Variants in WSCD2 observed in about 807,000 individuals in gnomAD.
The protein encoded by WSCD2 is WSC domain sialate O sulfotransferase 2.
Under a neutral mutation model 55.7 loss-of-function variants are expected in WSCD2, and 28 were observed. The ratio of observed to expected loss-of-function variants is 0.50; its 90% CI spans 0.37 to 0.69. The LOEUF (loss-of-function observed/expected upper bound fraction) is 0.69, where lower values mean the gene tolerates loss of function less well. WSCD2 is among the 30% of genes least tolerant of loss of function. The pLI is 0.00. For missense variants in WSCD2, 616 were observed against 762.1 expected, an observed-to-expected ratio of 0.81 and a Z score of 2.26; for synonymous variants, 301 against 301.9, an observed-to-expected ratio of 1.00 and a Z score of 0.03.
chr12:108,220,212 C>G (rs1177001140), intron 4 of WSCD2, among the ~76,000 whole-genome samples: 1 of 152,192 alleles, frequency 6.6e-6, no homozygotes, highest in African/African-American at 2.4e-5. Context: ...CACCTGTTTT[C>G]TCTTCTTTAT....
At chr12:108,207,239 A>C (rs979723457) in intron 3 of WSCD2, among the ~76,000 whole-genome samples, 3 of 152,110 alleles carry the variant, frequency 2.0e-5, no homozygotes, top group Non-Finnish European at 4.4e-5. Context: ...AAGAGGCTCT[A>C]ATATGCTCAC....
chr12:108,217,755 C>T (rs1439512405), intron 4 of WSCD2, among the ~76,000 whole-genome samples: 1 of 152,204 alleles, frequency 6.6e-6, no homozygotes, highest in Non-Finnish European at 1.5e-5. Flanking sequence ...CCCCAGAACA[C>T]ATCTTGCCCA....
At chr12:108,135,153 C>CATCT (rs1876048774) in intron 1 of WSCD2, among the ~76,000 whole-genome samples, 1 of 151,962 alleles carries the variant, frequency 6.6e-6, no homozygotes, top group African/African-American at 2.4e-5. Context: ...TCCGTCCATC[C>CATCT]ATCCATCCAT....
At chr12:108,203,062 C>G (rs1408803348) in intron 2 of WSCD2, among the ~76,000 whole-genome samples, 1 of 152,232 alleles carries the variant, frequency 6.6e-6, no homozygotes, top group Non-Finnish European at 1.5e-5. Context: ...TTTGAATAGA[C>G]AGACCTGGAC....
chr12:108,164,161 T>TTTTTTTTTTTTTTTTTTTTG (rs1555224811), intron 1 of WSCD2, among the ~76,000 whole-genome samples: 7 of 146,084 alleles, frequency 4.8e-5, no homozygotes, highest in South Asian at 2.2e-4. Flanking sequence ...TTTTTTTTTT[T>TTTTTTTTTTTTTTTTTTTTG]TCAGAGAGGG....
intron 3 of WSCD2, among the ~76,000 whole-genome samples, chr12:108,208,609 G>T (rs908985302): frequency 1.3e-5 from 2 of 152,192 alleles, no homozygotes; most frequent in African/African-American, 4.8e-5. Flanking sequence ...AACACTCAGG[G>T]TGCTCAGGTA....
intron 1 of WSCD2, among the ~76,000 whole-genome samples, chr12:108,193,808 T>C (rs1232060676): frequency 6.6e-6 from 1 of 152,210 alleles, no homozygotes; most frequent in East Asian, 1.9e-4. Context: ...TACAAAGGCA[T>C]GGATTTTTGT....
At chr12:108,168,509 T>C (rs1879899500) in intron 1 of WSCD2, among the ~76,000 whole-genome samples, 1 of 147,884 alleles carries the variant, frequency 6.8e-6, no homozygotes, top group Non-Finnish European at 1.5e-5. Context: ...GCCTTAGACT[T>C]CTGAGTTCAA....
At chr12:108,212,563 T>C (rs1886328315) in intron 4 of WSCD2, among the ~76,000 whole-genome samples, 1 of 149,326 alleles carries the variant, frequency 6.7e-6, no homozygotes, top group African/African-American at 2.5e-5. Context: ...TTCCTCCCTC[T>C]CTCTTCCGCT....
At position 108,195,969 on chromosome 12, in the gene WSCD2, C is replaced by T. The variant is rs1461462062; in HGVS notation, c.137C>T (p.Ser46Leu). 9.3e-6 allele frequency: 15 copies of T among 1,614,234 alleles called. No homozygotes were observed. The highest frequency in any genetic ancestry group is 5.5e-5 in the South Asian group (5 of 91,076). ...HSGFVGQPAV[S>L]GNQANPAAAG... ...GGCTTTGTGGGCCAGCCCGCTGTCT[C>T]GGGGAACCAGGCGAACCCCGCTGCT... Residue 46 changes from serine (S) to leucine (L), a missense_variant, in exon 2 of 9, where the codon TCG becomes TTG. Around this residue, in one of 3 missense-constraint regions of WSCD2, gnomAD observed 374 missense variants for 467.4 expected, o/e 0.80. Coordinates refer to ENST00000547525, the MANE Select transcript of WSCD2 (RefSeq NM_014653.4).
At chr12:108,138,557 G>A (rs1048098934) in intron 1 of WSCD2, among the ~76,000 whole-genome samples, 1 of 152,170 alleles carries the variant, frequency 6.6e-6, no homozygotes, top group Non-Finnish European at 1.5e-5. Context: ...TCATGCTTAT[G>A]TAGAGTAAGT....
chr12:108,230,493 C>T (rs1399040935), intron 6 of WSCD2, among the ~76,000 whole-genome samples: 1 of 152,194 alleles, frequency 6.6e-6, no homozygotes, highest in Non-Finnish European at 1.5e-5. Context: ...CAACCTCAGG[C>T]TGTCATCGCT....
chr12:108,184,540 G>A (rs12229128), intron 1 of WSCD2, among the ~76,000 whole-genome samples: 1 of 152,188 alleles, frequency 6.6e-6, no homozygotes, highest in Admixed American at 6.5e-5. Context: ...AATGGGGGCT[G>A]CCAGGGAGCA....
intron 1 of WSCD2, among the ~76,000 whole-genome samples, chr12:108,169,356 A>G (rs763729044): frequency 7.9e-5 from 12 of 151,932 alleles, no homozygotes; most frequent in African/African-American, 1.5e-4. Flanking sequence ...CCATGGAAAA[A>G]TTGTCTTCAG....
chr12:108,137,536 G>A (rs1370522168), intron 1 of WSCD2, among the ~76,000 whole-genome samples: 1 of 152,216 alleles, frequency 6.6e-6, no homozygotes, highest in Non-Finnish European at 1.5e-5. Context: ...CTGGGAACAA[G>A]GGTGAAGATG....
In WSCD2 at chr12:108,240,564, G is replaced by C. The variant is rs369590479; in HGVS notation, c.1345+20G>C. 2 of 1,540,442 alleles carry C rather than the reference G, an allele frequency of 1.3e-6. No individual in the cohort carries two copies. Among genetic ancestry groups the C allele is most frequent in the African/African-American group, 2.7e-5 (2 of 73,776 alleles). On this transcript the variant is annotated intron_variant, in intron 8 of 8. Transcript: ENST00000547525. The stretch of plus-strand genomic sequence containing the variant: ...GCAAAGGTACAGCTCGGGAGAGGAG[G>C]GGAGGGGAGGGGAGGGGCTTCGGGC...
At chr12:108,226,062 G>A (rs1461158101) in intron 5 of WSCD2, among the ~76,000 whole-genome samples, 1 of 151,960 alleles carries the variant, frequency 6.6e-6, no homozygotes, top group Non-Finnish European at 1.5e-5. Context: ...ATGGTGATAT[G>A]GGACCCACGC....
rs964712610 is a variant in WSCD2, at chr12:108,248,113, C to A, written c.1468C>A (p.Gln490Lys). ...GGACCTGAAGCAGGACCTCTTTGTCCAGCTGGGCCGGATGGTCAGCCTGCT... is the reference window on the plus strand; with the variant it reads ...GGACCTGAAGCAGGACCTCTTTGTCAAGCTGGGCCGGATGGTCAGCCTGCT... ...FEDLKQDLFV[Q>K]LGRMVSLLGV... Residue 490 changes from glutamine to lysine, a missense_variant, in exon 9 of 9, where the codon CAG (glutamine) becomes AAG (lysine). Gln to Lys is a moderately conservative substitution (Grantham distance 53). Around this residue, in one of 3 missense-constraint regions of WSCD2, gnomAD observed 234 missense variants for 264.6 expected, o/e 0.88. Coordinates refer to ENST00000547525, the MANE Select transcript of WSCD2 (RefSeq NM_014653.4). The surrounding 1 kb of genome is among the most constrained non-coding windows in gnomAD (Gnocchi z 4.3). The A allele has an allele frequency of 6.2e-7, 1 of 1,614,198 alleles. No individual in the cohort carries two copies. The highest frequency in any genetic ancestry group is 1.1e-5 in the South Asian group (1 of 91,084).
At chr12:108,203,216 A>T (rs186681873) in intron 2 of WSCD2, among the ~76,000 whole-genome samples, 89 of 152,292 alleles carry the variant, frequency 5.8e-4, no homozygotes, top group Non-Finnish European at 1.1e-3. Context: ...AAAGAAGAAA[A>T]TGCATTGTGT....
Sources: gnomAD v4.1 joint callset for allele counts (sites outside exome capture counted in the v4.1 genomes callset) on GRCh38, gnomAD v4.1.1 for gene constraint, gnomAD v4.1.1 regional missense constraint, Gnocchi (gnomAD v3.1) non-coding constraint, MANE v1.5 for transcripts, NCBI Gene and HGNC (gene_info 2026-07-23, HGNC 2026-07-21) for gene names.